Variants in RORA observed in about 807,000 individuals in gnomAD.
RORA encodes the protein nuclear receptor ROR-alpha.
RORA carries 7 observed loss-of-function variants against 69.5 expected under a neutral mutation model. The ratio of observed to expected loss-of-function variants is 0.10; its 90% CI spans 0.06 to 0.19. RORA has a LOEUF of 0.19. RORA is among the 10% of genes least tolerant of loss of function. The pLI, the probability that RORA is intolerant of heterozygous loss-of-function variation, is 1.00. For missense variants in RORA, 457 were observed against 663.0 expected (o/e 0.69, Z 3.41); for synonymous variants, 261 against 240.8 (o/e 1.08, Z -0.78).
intron 2 of RORA, among the ~76,000 whole-genome samples, chr15:60,604,251 A>G (rs911095237): frequency 6.6e-6 from 1 of 152,140 alleles, no homozygotes; most frequent in African/African-American, 2.4e-5. Context: ...CATCACCTCA[A>G]TGGACCTCAG....
At chr15:60,540,497 A>T (rs2066828399) in intron 2 of RORA, among the ~76,000 whole-genome samples, 1 of 150,838 alleles carries the variant, frequency 6.6e-6, no homozygotes, top group Non-Finnish European at 1.5e-5. Flanking sequence ...CTTCACACCA[A>T]ATTTCACATA....
intron 1 of RORA, among the ~76,000 whole-genome samples, chr15:61,094,065 G>C (rs1309347005): frequency 6.6e-6 from 1 of 152,210 alleles, no homozygotes; most frequent in East Asian, 1.9e-4. Context: ...GCACAGGAGA[G>C]AGCCTCATGC....
At chr15:61,144,650 G>A (rs2079329113) in intron 1 of RORA, among the ~76,000 whole-genome samples, 1 of 152,196 alleles carries the variant, frequency 6.6e-6, no homozygotes, top group African/African-American at 2.4e-5. Flanking sequence ...AACATGGTTG[G>A]CAACAGAGTT....
chr15:60,523,744 T>G (rs760919947), intron 3 of RORA, among the ~76,000 whole-genome samples: 10 of 152,218 alleles, frequency 6.6e-5, no homozygotes, highest in Non-Finnish European at 1.2e-4. Flanking sequence ...TGACCACGGC[T>G]CACTGCAGCC....
At chr15:60,633,337 A>C (rs1227071060) in intron 2 of RORA, among the ~76,000 whole-genome samples, 1 of 152,230 alleles carries the variant, frequency 6.6e-6, no homozygotes, top group Non-Finnish European at 1.5e-5. Flanking sequence ...TTTATTTCTG[A>C]GATGTATATT....
At chr15:61,217,209 G>A (rs2080048148) in intron 1 of RORA, among the ~76,000 whole-genome samples, 1 of 152,142 alleles carries the variant, frequency 6.6e-6, no homozygotes, top group Non-Finnish European at 1.5e-5. Flanking sequence ...TATCGTGCAT[G>A]GAGTAAAAAC....
chr15:60,824,853 C>T (rs2072936522), intron 1 of RORA, among the ~76,000 whole-genome samples: 1 of 152,162 alleles, frequency 6.6e-6, no homozygotes, highest in South Asian at 2.1e-4. Flanking sequence ...AAATGAACTG[C>T]AAATCTGCTA....
chr15:60,989,482 G>A (rs1894306451), intron 1 of RORA, among the ~76,000 whole-genome samples: 1 of 152,140 alleles, frequency 6.6e-6, no homozygotes, highest in Non-Finnish European at 1.5e-5. Flanking sequence ...TGGATATTTG[G>A]ATGGTTTCTG....
intron 1 of RORA, among the ~76,000 whole-genome samples, chr15:61,160,699 G>A (rs568856969): frequency 1.3e-5 from 2 of 152,268 alleles, no homozygotes; most frequent in South Asian, 4.1e-4. Context: ...TTTCAGAACT[G>A]CATGCTATTT....
At chr15:60,781,958 G>A (rs552037467) in intron 1 of RORA, among the ~76,000 whole-genome samples, 17 of 152,318 alleles carry the variant, frequency 1.1e-4, no homozygotes, top group Admixed American at 9.2e-4. Flanking sequence ...CGGGTACGGC[G>A]GTTCACGCCT....
intron 1 of RORA, among the ~76,000 whole-genome samples, chr15:60,959,597 A>T (rs960951353): frequency 6.6e-6 from 1 of 152,192 alleles, no homozygotes; most frequent in Non-Finnish European, 1.5e-5. Flanking sequence ...TTTCTTGGAG[A>T]GTCACCGTGC....
At chr15:60,737,379 C>T (rs1363267065) in intron 1 of RORA, among the ~76,000 whole-genome samples, 1 of 152,110 alleles carries the variant, frequency 6.6e-6, no homozygotes, top group African/African-American at 2.4e-5. Context: ...GGAAGAGCAC[C>T]ACCTATTGGC....
chr15:60,964,414 T>C (rs1893493655), intron 1 of RORA, among the ~76,000 whole-genome samples: 1 of 152,086 alleles, frequency 6.6e-6, no homozygotes, highest in South Asian at 2.1e-4. Flanking sequence ...CTAGGGTGCT[T>C]CCTGGGAAAG....
At chr15:61,013,540 A>T (rs1392710607) in intron 1 of RORA, among the ~76,000 whole-genome samples, 1 of 152,110 alleles carries the variant, frequency 6.6e-6, no homozygotes, top group Non-Finnish European at 1.5e-5. Context: ...TGTGTCGCTC[A>T]CCCTGTAGCT....
chr15:60,804,336 T>C (rs1321038987), intron 1 of RORA, among the ~76,000 whole-genome samples: 1 of 145,488 alleles, frequency 6.9e-6, no homozygotes, highest in African/African-American at 2.7e-5. Context: ...ACATGTTTGC[T>C]CTGTGTTAGC....
At chr15:60,887,945 A>T (rs2073769959) in intron 1 of RORA, among the ~76,000 whole-genome samples, 1 of 152,360 alleles carries the variant, frequency 6.6e-6, no homozygotes, top group Non-Finnish European at 1.5e-5. Context: ...CAGCAGGCTA[A>T]TAAGAGCCCA....
intron 2 of RORA, among the ~76,000 whole-genome samples, chr15:60,634,937 C>G (rs1238908070): frequency 1.3e-5 from 2 of 152,196 alleles, no homozygotes; most frequent in Non-Finnish European, 2.9e-5. Flanking sequence ...ATGTGATAAA[C>G]ATCTCACTAG....
In RORA at chr15:60,537,481, G is replaced by A. The variant is rs553126382; in HGVS notation, c.197-5630C>T. Reference sequence around the variant, plus strand: ...GTGCTAGGAGTGGACAGTTCAGGGAGCAACATGCTTTCTCTCCACTCTGCC... The same window carrying A: ...GTGCTAGGAGTGGACAGTTCAGGGAACAACATGCTTTCTCTCCACTCTGCC... On this transcript the variant is annotated intron_variant, in intron 2 of 10. Transcript: ENST00000335670. The surrounding 1 kb of genome is among the most constrained non-coding windows in gnomAD (Gnocchi z 4.9). 5.3e-5 allele frequency among the ~76,000 whole-genome samples: 8 copies of A among 152,292 alleles called. No individual in the cohort carries two copies. The highest frequency in any genetic ancestry group is 1.9e-4 in the African/African-American group (8 of 41,542).
chr15:60,778,161 G>A (rs1025467579), intron 1 of RORA, among the ~76,000 whole-genome samples: 4 of 152,202 alleles, frequency 2.6e-5, no homozygotes, highest in Admixed American at 2.0e-4. Flanking sequence ...TCAGTGCTGA[G>A]GGATCAATGT....
Sources: gnomAD v4.1 joint callset for allele counts (sites outside exome capture counted in the v4.1 genomes callset) on GRCh38, gnomAD v4.1.1 for gene constraint, Gnocchi (gnomAD v3.1) non-coding constraint, MANE v1.5 for transcripts, NCBI Gene and HGNC (gene_info 2026-07-23, HGNC 2026-07-21) for gene names.